GRK3: variants seen among roughly 807,000 people sequenced by gnomAD.
GRK3 encodes adrenergic, beta, receptor kinase 2.
Under a neutral mutation model 95.7 loss-of-function variants are expected in GRK3, and 54 were observed. The ratio of observed to expected loss-of-function variants is 0.56; its 90% confidence interval spans 0.45 to 0.71. The LOEUF (loss-of-function observed/expected upper bound fraction) is 0.71, where lower values mean the gene tolerates loss of function less well. Ranked by LOEUF, GRK3 falls within the 30% of genes least tolerant of loss-of-function variation. The pLI is 0.00. For synonymous variants in GRK3, 281 were observed against 290.8 expected, an observed-to-expected ratio of 0.97 and a Z score of 0.34; for missense variants, 649 against 851.2, an observed-to-expected ratio of 0.76 and a Z score of 2.96.
intron 1 of GRK3, among the ~76,000 whole-genome samples, chr22:25,597,604 A>G (rs946323628): frequency 4.6e-5 from 7 of 152,204 alleles, no homozygotes; most frequent in Non-Finnish European, 1.0e-4. Context: ...AAAAATGTTC[A>G]GAGAACCCCA....
At chr22:25,624,144 G>A (rs754464788) in intron 2 of GRK3, among the ~76,000 whole-genome samples, 16 of 151,958 alleles carry the variant, frequency 1.1e-4, no homozygotes, top group Admixed American at 2.0e-4. Flanking sequence ...TAATTTCAGC[G>A]TTCATTGTGA....
Position 25,604,439 on chromosome 22 carries a change from T to C in GRK3, c.176T>C (p.Phe59Ser), listed in dbSNP as rs1422581674. 1.9e-6 allele frequency: 3 copies of C among 1,610,958 alleles called. No individual in the cohort carries two copies. Among genetic ancestry groups the C allele is most frequent in the Non-Finnish European group, 2.5e-6 (3 of 1,178,658 alleles). ...AATGAAATAACCTTTGACAAGATTT[T>C]CAATCAGAAAATTGGTAAGTCCTGC... The part of the protein sequence containing the change: ...ERNEITFDKI[F>S]NQKIGFLLFK... Residue 59 changes from phenylalanine to serine, a missense_variant, in exon 2 of 21, where the codon TTC (phenylalanine) becomes TCC (serine). Phe to Ser is a radical substitution (Grantham distance 155). Transcript: ENST00000324198.
At chr22:25,627,787 G>C (rs1167294345) in intron 2 of GRK3, among the ~76,000 whole-genome samples, 2 of 152,192 alleles carry the variant, frequency 1.3e-5, no homozygotes, top group African/African-American at 2.4e-5. Flanking sequence ...CATCATGCAG[G>C]CTGTCTATTT....
chr22:25,633,276 ATTCTAG>A (rs2084677104), intron 2 of GRK3, among the ~76,000 whole-genome samples: 1 of 152,108 alleles, frequency 6.6e-6, no homozygotes, highest in African/African-American at 2.4e-5. Flanking sequence ...AAAGTTTATT[ATTCTAG>A]TTCTTTTGAT....
chr22:25,644,704 A>C (rs774543610), intron 3 of GRK3, 39 bp downstream of exon 3: 2 of 1,073,960 alleles, frequency 1.9e-6, no homozygotes, highest in Non-Finnish European at 2.8e-6. Flanking sequence ...TTCTTTCAAA[A>C]GCATATTTAA....
intron 1 of GRK3, among the ~76,000 whole-genome samples, chr22:25,597,084 A>G (rs1425794254): frequency 6.6e-6 from 1 of 152,164 alleles, no homozygotes; most frequent in Non-Finnish European, 1.5e-5. Context: ...GTTTTATTAC[A>G]TACATGTATT....
intron 1 of GRK3, among the ~76,000 whole-genome samples, chr22:25,596,137 A>G (rs111865508): frequency 5.3e-5 from 8 of 152,352 alleles, no homozygotes; most frequent in Admixed American, 1.3e-4. Context: ...AGAATGGAAT[A>G]GGTAGTACAT....
Position 25,726,083 on chromosome 22 carries a change from A to G in GRK3, c.*3633A>G, listed in dbSNP as rs117349208. 5.5e-4 allele frequency: 84 copies of G among 152,614 alleles called. No homozygotes were observed. In the East Asian group the frequency reaches 0.015, roughly 27 times the overall value. The allele number at this position is 152,614 out of a possible 1,614,324, so 9.5% of individuals were successfully genotyped here. On this transcript the variant is annotated 3_prime_UTR_variant, in exon 21 of 21. Coordinates refer to ENST00000324198, the MANE Select transcript of GRK3 (RefSeq NM_005160.4). ...GATGTAGCTTGATTTCTGGTCTGACATATGCCATATACAGATATTAGAAAC... is the reference window on the plus strand; with the variant it reads ...GATGTAGCTTGATTTCTGGTCTGACGTATGCCATATACAGATATTAGAAAC...
intron 12 of GRK3, among the ~76,000 whole-genome samples, chr22:25,691,852 T>C (rs1321577257): frequency 2.0e-5 from 3 of 152,248 alleles, no homozygotes; most frequent in African/African-American, 7.2e-5. Context: ...CTCTGGATAG[T>C]ACAATATTTG....
At position 25,565,351 on chromosome 22, in the gene GRK3, G is replaced by T. The variant is rs1931429272; in HGVS notation, c.113+198G>T. Among the ~76,000 whole-genome samples, 5 of 152,144 alleles carry T rather than the reference G, an allele frequency of 3.3e-5. No individual in the cohort carries two copies. In the South Asian group the frequency reaches 1.0e-3, roughly 31 times the overall value. On this transcript the variant is annotated intron_variant, in intron 1 of 20. Coordinates refer to ENST00000324198, the MANE Select transcript of GRK3 (RefSeq NM_005160.4). ...TCGGAGGGCCGGTGGGGGGCACCCC[G>T]GGAGAGAGCGCTCCAAAGTGCCCGG... is the stretch of plus-strand genomic sequence containing the variant.
At chr22:25,715,797 A>G (rs1165462305) in intron 18 of GRK3, among the ~76,000 whole-genome samples, 5 of 152,198 alleles carry the variant, frequency 3.3e-5, no homozygotes, top group Non-Finnish European at 5.9e-5. Flanking sequence ...TTAATAGGTT[A>G]CTTTGGTAGC....
chr22:25,648,352 A>G (rs1157266984), intron 3 of GRK3: 9 of 1,291,058 alleles, frequency 7.0e-6, no homozygotes, highest in Non-Finnish European at 9.0e-6. Flanking sequence ...TTATGCCACA[A>G]GTTAACAACT....
chr22:25,589,195 T>G (rs1932415948), intron 1 of GRK3, among the ~76,000 whole-genome samples: 3 of 152,240 alleles, frequency 2.0e-5, no homozygotes, highest in South Asian at 2.1e-4. Context: ...ATGCATTTTA[T>G]TTTGGACATT....
At chr22:25,640,832 AAAC>A (rs2084737784) in intron 2 of GRK3, among the ~76,000 whole-genome samples, 1 of 152,226 alleles carries the variant, frequency 6.6e-6, no homozygotes, top group South Asian at 2.1e-4. Context: ...GCAACAAAGT[AAAC>A]ACATTTCACA....
chr22:25,576,594 A>G (rs1931908556), intron 1 of GRK3, among the ~76,000 whole-genome samples: 1 of 152,208 alleles, frequency 6.6e-6, no homozygotes, highest in African/African-American at 2.4e-5. Context: ...CTTATTTTAG[A>G]AGAAGGAAAT....
intron 1 of GRK3, among the ~76,000 whole-genome samples, chr22:25,598,152 TAGCACAAATCATAGACAGG>T: frequency 1.3e-5 from 2 of 152,290 alleles, no homozygotes; most frequent in South Asian, 2.1e-4. Flanking sequence ...ATGACAATAA[TAGCACAAATCATAGACAGG>T]ACATGGAAAT....
intron 2 of GRK3, among the ~76,000 whole-genome samples, chr22:25,629,752 G>A (rs1487086722): frequency 1.3e-5 from 2 of 152,178 alleles, no homozygotes; most frequent in African/African-American, 2.4e-5. Context: ...TCAAAGCAAG[G>A]AAGTGTCATG....
intron 1 of GRK3, among the ~76,000 whole-genome samples, chr22:25,574,366 G>GT (rs1301322548): frequency 6.6e-6 from 1 of 151,852 alleles, no homozygotes; most frequent in Non-Finnish European, 1.5e-5. Context: ...CGCACCTATG[G>GT]TCCCAACTCC....
At chr22:25,577,856 A>G (rs1931960358) in intron 1 of GRK3, among the ~76,000 whole-genome samples, 1 of 152,210 alleles carries the variant, frequency 6.6e-6, no homozygotes, top group Admixed American at 6.5e-5. Context: ...ACACCTAGAA[A>G]TAAGTAAGAT....
Sources: allele counts gnomAD v4.1 joint callset (sites outside exome capture counted in the v4.1 genomes callset), GRCh38; gene constraint gnomAD v4.1.1; transcripts MANE v1.5; gene names NCBI Gene and HGNC (gene_info 2026-07-23, HGNC 2026-07-21).